MICAL3: variants seen among roughly 807,000 people sequenced by gnomAD.
MICAL3 encodes microtubule associated monooxygenase, calponin and LIM domain containing 3, also known as [F-actin]-monooxygenase MICAL3.
In MICAL3, 62 loss-of-function variants were observed where a neutral mutation model predicts 207.4. That is an observed-to-expected ratio of 0.30 (90% CI 0.24 to 0.37). The LOEUF (loss-of-function observed/expected upper bound fraction) is 0.37. MICAL3 is among the 10% of genes least tolerant of loss of function. MICAL3 has a pLI of 1.00. For synonymous variants in MICAL3, 1,077 were observed against 1,069.3 expected (o/e 1.01, Z -0.14); for missense variants, 2,368 against 2,635.6 (o/e 0.90, Z 2.22).
chr22:17,971,257 C>T (rs188502367), intron 1 of MICAL3, among the ~76,000 whole-genome samples: 108 of 152,258 alleles, frequency 7.1e-4, no homozygotes, highest in Admixed American at 4.4e-3. Flanking sequence ...CACTTGAGGT[C>T]AGGAGTTTGA....
At chr22:17,807,147 T>G (rs2061997112) in intron 29 of MICAL3, among the ~76,000 whole-genome samples, 1 of 152,194 alleles carries the variant, frequency 6.6e-6, no homozygotes, top group African/African-American at 2.4e-5. Flanking sequence ...TTGGCAGAAG[T>G]GATTTGTGGA....
chr22:17,856,603 G>C (rs1271608757), intron 19 of MICAL3, among the ~76,000 whole-genome samples: 1 of 120,304 alleles, frequency 8.3e-6, no homozygotes, highest in Non-Finnish European at 1.7e-5. Context: ...AGAAGAAAAT[G>C]TTTACTTTTT....
At chr22:18,014,986 CA>C (rs10689117) in intron 1 of MICAL3, among the ~76,000 whole-genome samples, 67 of 140,366 alleles carry the variant, frequency 4.8e-4, no homozygotes, top group Non-Finnish European at 6.4e-4. Context: ...GACTCCATCT[CA>C]AAAAAAAAAA....
At chr22:17,899,639 A>G (rs965146183) in intron 6 of MICAL3, 91 bp from the exon 7 acceptor site, 19 of 793,850 alleles carry the variant, frequency 2.4e-5, no homozygotes, top group Non-Finnish European at 3.9e-5. Context: ...GCCTACAGAG[A>G]CAAGGGCCTG....
intron 1 of MICAL3, among the ~76,000 whole-genome samples, chr22:17,923,828 C>T (rs1387682669): frequency 2.0e-5 from 3 of 152,214 alleles, no homozygotes; most frequent in Admixed American, 1.3e-4. Flanking sequence ...CCAGGGAAGC[C>T]ATCTGTGTTA....
intron 1 of MICAL3, among the ~76,000 whole-genome samples, chr22:17,983,972 G>A (rs866425987): frequency 8.5e-5 from 13 of 152,262 alleles, no homozygotes; most frequent in Middle Eastern, 6.8e-3. Flanking sequence ...GGGGCAAAAC[G>A]CAAATCATCG....
chr22:17,899,817 A>G (rs1931172495), intron 6 of MICAL3, among the ~76,000 whole-genome samples: 1 of 152,064 alleles, frequency 6.6e-6, no homozygotes, highest in Admixed American at 6.5e-5. Flanking sequence ...TAAAAACGAA[A>G]CAAGCAAAAA....
chr22:17,941,024 A>C (rs965049745), intron 1 of MICAL3, among the ~76,000 whole-genome samples: 2 of 152,170 alleles, frequency 1.3e-5, no homozygotes, highest in Non-Finnish European at 2.9e-5. Flanking sequence ...CCCACTAAAG[A>C]AAGCATGAGA....
At chr22:17,933,454 T>A (rs1933366243) in intron 1 of MICAL3, among the ~76,000 whole-genome samples, 1 of 152,196 alleles carries the variant, frequency 6.6e-6, no homozygotes, top group Admixed American at 6.6e-5. Flanking sequence ...CCAGAATCTC[T>A]GGGACACATT....
At chr22:17,947,672 C>T (rs775754895) in intron 1 of MICAL3, among the ~76,000 whole-genome samples, 3 of 152,160 alleles carry the variant, frequency 2.0e-5, no homozygotes, top group Non-Finnish European at 2.9e-5. Context: ...GATCCTCCCA[C>T]GTCAGCCTCC....
chr22:17,932,187 A>C (rs910465689), intron 1 of MICAL3, among the ~76,000 whole-genome samples: 1 of 152,212 alleles, frequency 6.6e-6, no homozygotes, highest in Non-Finnish European at 1.5e-5. Context: ...CAGATTCACC[A>C]AGGTTGAAAT....
rs1161530759 is a variant in MICAL3, at chr22:17,789,831, G to A, written c.*901C>T. 6.6e-6 allele frequency: 1 copy of A among 152,218 alleles called. No individual in the cohort carries two copies. Among genetic ancestry groups the A allele is most frequent in the Admixed American group, 6.5e-5 (1 of 15,290 alleles). The allele number at this position is 152,218 out of a possible 1,614,324, so 9.4% of individuals were successfully genotyped here. On this transcript the variant is annotated 3_prime_UTR_variant, in exon 32 of 32. Coordinates refer to ENST00000441493, the MANE Select transcript of MICAL3 (RefSeq NM_015241.3). The stretch of plus-strand genomic sequence containing the variant: ...TCAAGTATTAAAAAATAAGTTAATT[G>A]ACAAAAAGGGTTTGAAGCGGCTGAG...
chr22:17,884,310 G>T, intron 16 of MICAL3: 1 of 1,591,590 alleles, frequency 6.3e-7, no homozygotes, highest in Middle Eastern at 1.7e-4. Flanking sequence ...GGGCGAACCT[G>T]CCCAGGCAGG....
At chr22:17,904,926 TAA>T (rs1931609386) in intron 2 of MICAL3, 87 bp from the exon 3 acceptor site, 1 of 1,010,598 alleles carries the variant, frequency 9.9e-7, no homozygotes, top group African/African-American at 1.6e-5. Context: ...CATCACTCCC[TAA>T]AGCCCCGAAA....
At chr22:17,953,651 C>T (rs1322615539) in intron 1 of MICAL3, among the ~76,000 whole-genome samples, 1 of 152,074 alleles carries the variant, frequency 6.6e-6, no homozygotes, top group Non-Finnish European at 1.5e-5. Flanking sequence ...GGAAGACTGG[C>T]CGGGTGTGGT....
At chr22:17,907,847 C>A (rs546513073) in intron 1 of MICAL3, among the ~76,000 whole-genome samples, 2 of 152,180 alleles carry the variant, frequency 1.3e-5, no homozygotes, top group East Asian at 3.9e-4. Context: ...CCTGCTATTG[C>A]GTAAGGTACA....
chr22:17,990,646 C>T (rs557068575), intron 1 of MICAL3, among the ~76,000 whole-genome samples: 2 of 152,302 alleles, frequency 1.3e-5, no homozygotes, highest in South Asian at 4.1e-4. Flanking sequence ...TTAACCACAA[C>T]ACAGTTTGAG....
In MICAL3 at chr22:17,866,441, C is replaced by T. The variant is rs148956190; in HGVS notation, c.2429-429G>A. Among the ~76,000 whole-genome samples the T allele has an allele frequency of 3.4e-3, 515 of 152,320 alleles. 2 individuals are homozygous for T. The highest frequency in any genetic ancestry group is 0.014 in the South Asian group (68 of 4,824). ...CGTGGAGGCTGCAGGGGTGGGGCAT[C>T]GCCTGGCATTGGCTCTGACAGGCCC... On this transcript the variant is annotated intron_variant, in intron 17 of 31. Transcript: ENST00000441493.
At chr22:17,954,908 G>C (rs1255209558) in intron 1 of MICAL3, among the ~76,000 whole-genome samples, 8 of 152,018 alleles carry the variant, frequency 5.3e-5, no homozygotes, top group Admixed American at 5.2e-4. Context: ...ATTTTTAGTA[G>C]AGACGCTGTT....
Sources: gnomAD v4.1 joint callset for allele counts (sites outside exome capture counted in the v4.1 genomes callset) on GRCh38, gnomAD v4.1.1 for gene constraint, MANE v1.5 for transcripts, NCBI Gene and HGNC (gene_info 2026-07-23, HGNC 2026-07-21) for gene names.